MECOM: variants seen among roughly 807,000 people sequenced by gnomAD.
MECOM encodes MDS1 and EVI1 complex locus.
In MECOM, 13 loss-of-function variants were observed where a neutral mutation model predicts 116.3. The ratio of observed to expected loss-of-function variants is 0.11; its 90% CI spans 0.07 to 0.18. The LOEUF (loss-of-function observed/expected upper bound fraction) is 0.18, where lower values mean the gene tolerates loss of function less well. MECOM is among the 10% of genes least tolerant of loss of function. The probability of loss-of-function intolerance (pLI) is 1.00; values close to 1 mark genes in which losing one functional copy is unlikely to be tolerated. For synonymous variants in MECOM, 528 were observed against 535.2 expected, an observed-to-expected ratio of 0.99 and a Z score of 0.19; for missense variants, 1,299 against 1,509.0, an observed-to-expected ratio of 0.86 and a Z score of 2.31.
rs1754395631 is a variant in MECOM, at chr3:169,238,614, G to C, written c.376-94782C>G. Among the ~76,000 whole-genome samples the C allele has an allele frequency of 2.0e-5, 3 of 152,132 alleles. No homozygotes were observed. The South Asian group carries it at 6.2e-4, about 32-fold the overall frequency. On this transcript the variant is annotated intron_variant, in intron 2 of 16. Transcript: ENST00000651503. ...TATTACTAAATAAAACAATTTGGAGGCAATATCTTCCAAAGGTTTAGCTAA... is the reference window on the plus strand; with the variant it reads ...TATTACTAAATAAAACAATTTGGAGCCAATATCTTCCAAAGGTTTAGCTAA...
At chr3:169,122,842 G>A (rs1253602213) in intron 5 of MECOM, 115 bp from the exon 6 acceptor site, 2 of 1,178,580 alleles carry the variant, frequency 1.7e-6, no homozygotes, top group Non-Finnish European at 2.4e-6. Flanking sequence ...GAGTTGAACT[G>A]AGAAGGAGGG....
chr3:169,172,284 A>G, intron 2 of MECOM, among the ~76,000 whole-genome samples: 1 of 151,984 alleles, frequency 6.6e-6, no homozygotes. Flanking sequence ...ACAGTTTATT[A>G]TTTATTTTAT....
At chr3:169,115,041 T>C (rs1728698544) in intron 8 of MECOM, among the ~76,000 whole-genome samples, 1 of 152,144 alleles carries the variant, frequency 6.6e-6, no homozygotes, top group Admixed American at 6.6e-5. Flanking sequence ...CATATTTGCA[T>C]TAATCCTTCA....
intron 1 of MECOM, among the ~76,000 whole-genome samples, chr3:169,619,250 G>A (rs1011655648): frequency 6.6e-6 from 1 of 152,194 alleles, no homozygotes; most frequent in African/African-American, 2.4e-5. Context: ...TGGATATTTA[G>A]TGCCGCTGTG....
rs1190304051 is a variant in MECOM at position 169,127,927 on chromosome 3, T to G, written c.747A>C (p.Lys249Asn). ...CTTGGAGATCATTCTCGCTTTCGAG[T>G]TTTTGCTGAAAGTCCTCTTCAACCA... is the stretch of plus-strand genomic sequence containing the variant. ...FSMVEEDFQQ[K>N]LESENDLQEI... The change falls in exon 5 of 17, where the codon AAA becomes AAC. Residue 249 changes from lysine (K) to asparagine (N), a missense_variant. By Grantham distance (94) the Lys-to-Asn change is moderately conservative. This residue lies in a region of MECOM where 374 missense variants were observed against 433.4 expected (regional missense o/e 0.86). Coordinates refer to ENST00000651503, the MANE Select transcript of MECOM (RefSeq NM_004991.4). 1 of 1,613,964 alleles carries G rather than the reference T, an allele frequency of 6.2e-7. No homozygotes were observed. The highest frequency in any genetic ancestry group is 8.5e-7 in the Non-Finnish European group (1 of 1,179,926).
intron 1 of MECOM, among the ~76,000 whole-genome samples, chr3:169,512,958 T>C (rs1174161620): frequency 1.1e-4 from 16 of 152,214 alleles, no homozygotes; most frequent in Non-Finnish European, 2.9e-5. Flanking sequence ...GTACAAAAAT[T>C]AGTGCTTCAA....
chr3:169,403,719 T>C (rs1419568307), intron 1 of MECOM, among the ~76,000 whole-genome samples: 2 of 152,156 alleles, frequency 1.3e-5, no homozygotes, highest in South Asian at 2.1e-4. Context: ...TAATATGGAA[T>C]AAAATAAAAA....
At chr3:169,441,744 T>TTTTTTTTTTTTTTTTTTTTTG (rs1237906532) in intron 1 of MECOM, among the ~76,000 whole-genome samples, 5 of 142,016 alleles carry the variant, frequency 3.5e-5, no homozygotes, top group Admixed American at 7.2e-5. Context: ...TTTTTTTTTT[T>TTTTTTTTTTTTTTTTTTTTTG]AAAAAAGGGG....
At chr3:169,486,538 G>A (rs1241057331) in intron 1 of MECOM, among the ~76,000 whole-genome samples, 1 of 151,880 alleles carries the variant, frequency 6.6e-6, no homozygotes, top group Non-Finnish European at 1.5e-5. Context: ...GGTACTGAGG[G>A]AATGAAGAAG....
intron 2 of MECOM, among the ~76,000 whole-genome samples, chr3:169,268,550 A>C (rs1204703493): frequency 6.6e-6 from 1 of 152,232 alleles, no homozygotes; most frequent in Non-Finnish European, 1.5e-5. Flanking sequence ...GGAATTCACA[A>C]AAGGAAAATT....
chr3:169,090,337 A>T, intron 14 of MECOM, 101 bp from the exon 15 acceptor site: 6 of 1,008,712 alleles, frequency 5.9e-6, no homozygotes, highest in Non-Finnish European at 8.7e-6. Context: ...TAGATTTTCA[A>T]CACTTAACAT....
Position 169,505,640 on chromosome 3 carries a change from CT to C in MECOM, c.38-124117del, listed in dbSNP as rs1560367818. 5.3e-5 allele frequency among the ~76,000 whole-genome samples: 8 copies of C among 152,286 alleles called. No individual in the cohort carries two copies. The South Asian group carries it at 1.7e-3, about 32-fold the overall frequency. ...ATTTCAAGTATGCAATACAATATTG[CT>C]AACTATAGTCATCAGTCTGTCCACT... On this transcript the variant is annotated intron_variant, in intron 1 of 16. Coordinates refer to ENST00000651503, the MANE Select transcript of MECOM (RefSeq NM_004991.4).
chr3:169,101,330 A>G (rs1340690939), intron 11 of MECOM, among the ~76,000 whole-genome samples: 1 of 152,192 alleles, frequency 6.6e-6, no homozygotes, highest in Admixed American at 6.5e-5. Context: ...GTTGATGTAA[A>G]CAGATTTCAA....
At chr3:169,626,561 G>A (rs1438545916) in intron 1 of MECOM, among the ~76,000 whole-genome samples, 3 of 152,198 alleles carry the variant, frequency 2.0e-5, no homozygotes, top group African/African-American at 7.2e-5. Flanking sequence ...CCTGTGGTGA[G>A]TAGCTCAGAG....
chr3:169,212,826 C>T (rs943104765), intron 2 of MECOM, among the ~76,000 whole-genome samples: 3 of 151,246 alleles, frequency 2.0e-5, no homozygotes, highest in Non-Finnish European at 2.9e-5. Flanking sequence ...CTCCTGCTTG[C>T]CTTGAGGTCT....
intron 2 of MECOM, among the ~76,000 whole-genome samples, chr3:169,201,800 A>C (rs979124508): frequency 2.0e-4 from 30 of 152,126 alleles, no homozygotes; most frequent in Non-Finnish European, 1.6e-4. Flanking sequence ...TTTCATAGAT[A>C]ATTTTTCTGG....
At chr3:169,658,376 A>G (rs1775790936) in intron 1 of MECOM, among the ~76,000 whole-genome samples, 1 of 152,190 alleles carries the variant, frequency 6.6e-6, no homozygotes, top group Admixed American at 6.5e-5. Flanking sequence ...CTGTCCCAAC[A>G]GGGAGAGTGA....
At chr3:169,249,381 T>C (rs990242542) in intron 2 of MECOM, among the ~76,000 whole-genome samples, 1 of 152,210 alleles carries the variant, frequency 6.6e-6, no homozygotes, top group Non-Finnish European at 1.5e-5. Context: ...AATTCTATGA[T>C]TTCTGGACTG....
chr3:169,138,085 C>T (rs1236131309), intron 3 of MECOM, among the ~76,000 whole-genome samples: 4 of 152,054 alleles, frequency 2.6e-5, no homozygotes, highest in Non-Finnish European at 5.9e-5. Context: ...TTTTACTTGG[C>T]TGGAGGCTTC....
Sources: gnomAD v4.1 joint callset for allele counts (sites outside exome capture counted in the v4.1 genomes callset) on GRCh38, gnomAD v4.1.1 for gene constraint, gnomAD v4.1.1 regional missense constraint, MANE v1.5 for transcripts, NCBI Gene and HGNC (gene_info 2026-07-23, HGNC 2026-07-21) for gene names.